VEGFC: variants seen among roughly 807,000 people sequenced by gnomAD.
VEGFC encodes the protein FLT4 ligand DHM.
VEGFC carries 12 observed loss-of-function variants against 46.1 expected under a neutral mutation model. That is an observed-to-expected ratio of 0.26 (90% CI 0.17 to 0.42). VEGFC has a LOEUF of 0.42. VEGFC is among the 10% of genes least tolerant of loss of function. The pLI is 1.00. For missense variants in VEGFC, 488 were observed against 529.4 expected (o/e 0.92, Z 0.77); for synonymous variants, 232 against 195.5 (o/e 1.19, Z -1.56).
rs3755974 is a variant in VEGFC, at chr4:176,704,522, A to G, written c.704+6977T>C. ...CCCCCATATGCGGTTCCCAAGTCAT[A>G]TGCTTTCTTGTATTTCAAACGTCTT... On this transcript the variant is annotated intron_variant, in intron 4 of 6. Coordinates refer to ENST00000618562, the MANE Select transcript of VEGFC (RefSeq NM_005429.5). 1.5e-3 allele frequency among the ~76,000 whole-genome samples: 230 copies of G among 152,216 alleles called. 4 individuals carry two copies. In the East Asian group the frequency reaches 0.037, roughly 25 times the overall value.
chr4:176,768,663 G>A (rs535315511), intron 1 of VEGFC, among the ~76,000 whole-genome samples: 1 of 151,630 alleles, frequency 6.6e-6, no homozygotes, highest in South Asian at 2.1e-4. Flanking sequence ...ACCCAATCCA[G>A]AGCCATACCT....
At chr4:176,718,267 A>G (rs1322379531) in intron 3 of VEGFC, among the ~76,000 whole-genome samples, 1 of 152,124 alleles carries the variant, frequency 6.6e-6, no homozygotes, top group East Asian at 1.9e-4. Context: ...GATACAATAC[A>G]AATCACGTTC....
At chr4:176,737,584 C>A (rs1258984849) in intron 1 of VEGFC, among the ~76,000 whole-genome samples, 2 of 150,698 alleles carry the variant, frequency 1.3e-5, no homozygotes, top group Non-Finnish European at 3.0e-5. Context: ...AAAAAGGCCC[C>A]AAATAATAAT....
intron 3 of VEGFC, among the ~76,000 whole-genome samples, chr4:176,712,526 A>T (rs1734636341): frequency 6.6e-6 from 1 of 152,232 alleles, no homozygotes; most frequent in Admixed American, 6.5e-5. Context: ...ACCAGAAAAA[A>T]TGGTAAAAGT....
chr4:176,687,550 T>C, intron 5 of VEGFC, 30 bp from the exon 6 acceptor site: 1 of 1,515,618 alleles, frequency 6.6e-7, no homozygotes, highest in African/African-American at 1.4e-5. Context: ...ATCTTTACTA[T>C]ACCTTACTTG....
At chr4:176,693,887 TAAGTG>T (rs1397393115) in intron 4 of VEGFC, among the ~76,000 whole-genome samples, 3 of 151,328 alleles carry the variant, frequency 2.0e-5, no homozygotes, top group Admixed American at 2.0e-4. Context: ...AAGCTTCATA[TAAGTG>T]AAGGAGAAAT....
chr4:176,720,612 G>A (rs1360881828), intron 3 of VEGFC, among the ~76,000 whole-genome samples: 1 of 152,008 alleles, frequency 6.6e-6, no homozygotes, highest in East Asian at 1.9e-4. Flanking sequence ...GCAGAGGTGG[G>A]AGGATCACCT....
chr4:176,764,136 T>C (rs1735576989), intron 1 of VEGFC, among the ~76,000 whole-genome samples: 1 of 152,094 alleles, frequency 6.6e-6, no homozygotes, highest in Non-Finnish European at 1.5e-5. Flanking sequence ...GATATAACCA[T>C]AGAGACAGCC....
rs566685417 is a variant in VEGFC, at chr4:176,750,062, G to C, written c.148-20316C>G. On this transcript the variant is annotated intron_variant, in intron 1 of 6. Transcript: ENST00000618562. Reference sequence around the variant, plus strand: ...ATTCATGGAAAATTTGAAAGAACTAGAGATTTTTTTTATTTCTAAAATTAA... The same window carrying C: ...ATTCATGGAAAATTTGAAAGAACTACAGATTTTTTTTATTTCTAAAATTAA... Among the ~76,000 whole-genome samples the C allele has an allele frequency of 2.6e-5, 4 of 151,802 alleles. No homozygotes were observed. In the South Asian group the frequency reaches 8.3e-4, roughly 32 times the overall value.
At chr4:176,777,743 C>G (rs1422919245) in intron 1 of VEGFC, among the ~76,000 whole-genome samples, 2 of 151,624 alleles carry the variant, frequency 1.3e-5, no homozygotes, top group Non-Finnish European at 2.9e-5. Flanking sequence ...AACATTGAAA[C>G]CCTGTCTCTA....
intron 3 of VEGFC, among the ~76,000 whole-genome samples, chr4:176,720,627 TC>T (rs778408686): frequency 2.6e-5 from 4 of 151,700 alleles, no homozygotes; most frequent in Admixed American, 1.3e-4. Flanking sequence ...TCACCTGAGG[TC>T]AGGAGTTTCT....
intron 3 of VEGFC, among the ~76,000 whole-genome samples, chr4:176,726,896 A>G (rs963456353): frequency 2.0e-5 from 3 of 152,188 alleles, no homozygotes; most frequent in Non-Finnish European, 2.9e-5. Context: ...TTCTGAATTT[A>G]GCCAGATTTA....
intron 4 of VEGFC, among the ~76,000 whole-genome samples, chr4:176,689,891 T>C (rs1199907640): frequency 1.3e-5 from 2 of 152,248 alleles, no homozygotes; most frequent in East Asian, 3.8e-4. Flanking sequence ...TTGTCACTTT[T>C]CTATGCTTTT....
intron 3 of VEGFC, among the ~76,000 whole-genome samples, chr4:176,721,361 G>C (rs1157991990): frequency 6.6e-6 from 1 of 152,136 alleles, no homozygotes; most frequent in African/African-American, 2.4e-5. Flanking sequence ...GTTGAATGCT[G>C]GCTCCATCCC....
intron 2 of VEGFC, 77 bp from the exon 3 acceptor site, chr4:176,728,045 C>T: frequency 8.3e-7 from 1 of 1,209,280 alleles, no homozygotes. Flanking sequence ...CTGCAAATCA[C>T]TCACATTCAT....
At chr4:176,787,942 GT>G (rs1240893417) in intron 1 of VEGFC, among the ~76,000 whole-genome samples, 1 of 152,168 alleles carries the variant, frequency 6.6e-6, no homozygotes, top group Non-Finnish European at 1.5e-5. Context: ...ACAAATATGT[GT>G]TTGTAACAAA....
chr4:176,768,491 C>CATATATAT (rs145504348), intron 1 of VEGFC, among the ~76,000 whole-genome samples: 2,203 of 100,548 alleles, frequency 0.022, 79 homozygotes, highest in Non-Finnish European at 0.026. Flanking sequence ...ATGTTTTATA[C>CATATATAT]ATATATATAT....
intron 1 of VEGFC, among the ~76,000 whole-genome samples, chr4:176,778,118 T>A (rs916514915): frequency 7.2e-5 from 11 of 152,010 alleles, no homozygotes; most frequent in African/African-American, 2.7e-4. Flanking sequence ...TCAAAATGAA[T>A]TTTTTTCCCC....
At chr4:176,710,594 G>A (rs971677271) in intron 4 of VEGFC, among the ~76,000 whole-genome samples, 1 of 152,122 alleles carries the variant, frequency 6.6e-6, no homozygotes, top group Non-Finnish European at 1.5e-5. Flanking sequence ...TTTTAAAAAT[G>A]TAAGGTTTTC....
Sources: allele counts gnomAD v4.1 joint callset (sites outside exome capture counted in the v4.1 genomes callset), GRCh38; gene constraint gnomAD v4.1.1; transcripts MANE v1.5; gene names NCBI Gene and HGNC (gene_info 2026-07-23, HGNC 2026-07-21).